DNAH11: variants seen among roughly 807,000 people sequenced by gnomAD.
DNAH11 encodes the protein dynein axonemal heavy chain 11.
Under a neutral mutation model 526.0 loss-of-function variants are expected in DNAH11, and 442 were observed. That is an observed-to-expected ratio of 0.84 (90% CI 0.78 to 0.91). The LOEUF (loss-of-function observed/expected upper bound fraction) is 0.91, where lower values mean the gene tolerates loss of function less well. Ranked by LOEUF, DNAH11 falls within the 40% of genes least tolerant of loss-of-function variation. The pLI, the probability that DNAH11 is intolerant of heterozygous loss-of-function variation, is 0.00. For missense variants in DNAH11, 6,989 were observed against 5,448.7 expected, an observed-to-expected ratio of 1.28 and a Z score of -8.90; for synonymous variants, 2,461 against 1,935.9, an observed-to-expected ratio of 1.27 and a Z score of -7.12.
intron 54 of DNAH11, among the ~76,000 whole-genome samples, chr7:21,750,574 G>C (rs1357923088): frequency 6.6e-6 from 1 of 152,190 alleles, no homozygotes; most frequent in East Asian, 1.9e-4. Context: ...GGTGTGTGCA[G>C]TCCTCAGCTG....
At chr7:21,699,189 T>C (rs939918969) in intron 36 of DNAH11, among the ~76,000 whole-genome samples, 1 of 152,154 alleles carries the variant, frequency 6.6e-6, no homozygotes, top group Admixed American at 6.6e-5. Flanking sequence ...AAAATTATTC[T>C]CATTTATTGG....
Position 21,560,815 on chromosome 7 carries a change from G to A in DNAH11, c.883-256G>A, listed in dbSNP as rs538211945. ...ACTTTGCATCCTTCAATCCAATCAAGTTGACACTCAATTATAACTATCACA... is the reference window on the plus strand; with the variant it reads ...ACTTTGCATCCTTCAATCCAATCAAATTGACACTCAATTATAACTATCACA... On this transcript the variant is annotated intron_variant, in intron 4 of 81. Coordinates refer to ENST00000409508, the MANE Select transcript of DNAH11 (RefSeq NM_001277115.2). 9.9e-5 allele frequency among the ~76,000 whole-genome samples: 15 copies of A among 152,132 alleles called. No individual in the cohort carries two copies. In the South Asian group the frequency reaches 2.3e-3, roughly 23 times the overall value.
chr7:21,595,271 T>A (rs1784822569), intron 14 of DNAH11, among the ~76,000 whole-genome samples: 1 of 152,164 alleles, frequency 6.6e-6, no homozygotes, highest in South Asian at 2.1e-4. Context: ...GGCTCTGCCC[T>A]CAGGACCTAA....
chr7:21,694,350 G>GC (rs552590566), intron 35 of DNAH11, among the ~76,000 whole-genome samples: 2 of 151,866 alleles, frequency 1.3e-5, no homozygotes, highest in Admixed American at 6.6e-5. Flanking sequence ...CCCTCCTCTT[G>GC]CCCCCCACCA....
At position 21,636,078 on chromosome 7, in the gene DNAH11, G is replaced by A. The variant is rs754155714; in HGVS notation, c.4708G>A (p.Val1570Met). The change falls in exon 26 of 82, where the codon GTG (valine) becomes ATG (methionine). Residue 1570 changes from valine (V) to methionine (M), a missense_variant. Coordinates refer to ENST00000409508, the MANE Select transcript of DNAH11 (RefSeq NM_001277115.2). Reference protein sequence around the residue: ...LVKDARRFDGVDAEFKELMFK... With the variant: ...LVKDARRFDGMDAEFKELMFK... ...GAAAGATGCTAGAAGATTTGATGGG[G>A]TGGATGCTGAATTTAAGGTTTGTCA... 1.2e-5 allele frequency: 20 copies of A among 1,610,702 alleles called. No individual in the cohort carries two copies. Among genetic ancestry groups the A allele is most frequent in the South Asian group, 5.5e-5 (5 of 90,428 alleles).
At chr7:21,806,583 A>G (rs1020823775) in intron 62 of DNAH11, among the ~76,000 whole-genome samples, 5 of 152,212 alleles carry the variant, frequency 3.3e-5, no homozygotes, top group Admixed American at 6.5e-5. Flanking sequence ...ATTCCAATCC[A>G]TTCTGACGTC....
chr7:21,556,144 C>T (rs141004876), intron 2 of DNAH11, among the ~76,000 whole-genome samples: 1 of 152,290 alleles, frequency 6.6e-6, no homozygotes, highest in East Asian at 1.9e-4. Context: ...TAAGGTTATA[C>T]CCTGGTCCCT....
chr7:21,615,667 A>G (rs1785739526), intron 21 of DNAH11, among the ~76,000 whole-genome samples: 1 of 152,108 alleles, frequency 6.6e-6, no homozygotes, highest in African/African-American at 2.4e-5. Context: ...CTTCCTAAAA[A>G]TAATTTGTAT....
At chr7:21,871,770 T>C (rs1182440478) in intron 73 of DNAH11, among the ~76,000 whole-genome samples, 1 of 152,094 alleles carries the variant, frequency 6.6e-6, no homozygotes, top group Non-Finnish European at 1.5e-5. Flanking sequence ...GTGATTTGTC[T>C]TCTGTGTTTC....
intron 54 of DNAH11, among the ~76,000 whole-genome samples, chr7:21,751,088 C>A (rs960249678): frequency 2.0e-5 from 3 of 152,118 alleles, no homozygotes; most frequent in African/African-American, 7.2e-5. Flanking sequence ...CTTTAGGAAG[C>A]CATGGTGGGT....
chr7:21,712,968 A>T (rs1784515726), intron 42 of DNAH11, among the ~76,000 whole-genome samples: 1 of 152,186 alleles, frequency 6.6e-6, no homozygotes. Context: ...ATGAAAGCTT[A>T]TATGGAACAC....
At chr7:21,566,305 C>A (rs974013382) in intron 6 of DNAH11, among the ~76,000 whole-genome samples, 21 of 152,200 alleles carry the variant, frequency 1.4e-4, no homozygotes, top group Middle Eastern at 3.4e-3. Context: ...TGGCTTCTAT[C>A]CAAAGGTTTC....
At chr7:21,748,480 C>G in intron 51 of DNAH11, 100 bp from the exon 52 acceptor site, 2 of 1,255,186 alleles carry the variant, frequency 1.6e-6, no homozygotes, top group Non-Finnish European at 2.0e-6. Context: ...CAGAGCAAGT[C>G]TCCATCTCAA....
chr7:21,899,714 C>T (rs1784678007), intron 80 of DNAH11, among the ~76,000 whole-genome samples: 1 of 152,140 alleles, frequency 6.6e-6, no homozygotes, highest in African/African-American at 2.4e-5. Context: ...CTGGAAAGGG[C>T]CACATAGCTT....
intron 25 of DNAH11, among the ~76,000 whole-genome samples, chr7:21,624,055 T>A (rs1369522364): frequency 6.6e-6 from 1 of 151,986 alleles, no homozygotes. Context: ...AGAGCCCTCA[T>A]GGTACCTCTT....
At chr7:21,786,363 TGATATATA>T (rs954510294) in intron 58 of DNAH11, among the ~76,000 whole-genome samples, 5 of 151,816 alleles carry the variant, frequency 3.3e-5, no homozygotes, top group Admixed American at 6.6e-5. Context: ...TCTGCAGGAC[TGATATATA>T]GATATATAGA....
intron 31 of DNAH11, 117 bp from the exon 32 acceptor site, chr7:21,683,667 A>C (rs1272048241): frequency 4.2e-5 from 49 of 1,165,458 alleles, no homozygotes; most frequent in African/African-American, 1.1e-4. Context: ...ATAGCGTGCA[A>C]GAGATTTCCT....
At chr7:21,571,701 A>C (rs568844641) in intron 7 of DNAH11, 105 bp from the exon 8 acceptor site, 1 of 760,568 alleles carries the variant, frequency 1.3e-6, no homozygotes, top group Non-Finnish European at 2.0e-6. Context: ...ATTTTCTGTC[A>C]TTGACTCATT....
rs373110271 is a variant in DNAH11 at position 21,894,720 on chromosome 7, T to C, written c.12848T>C (p.Leu4283Pro). 365 of 1,613,676 alleles carry C rather than the reference T, an allele frequency of 2.3e-4. No individual in the cohort carries two copies. The highest frequency in any genetic ancestry group is 3.0e-4 in the Non-Finnish European group (355 of 1,179,840). ...QKNSNRSPYV[L>P]VCFQECERMN... Reference sequence around the variant, plus strand: ...AATTCAAATAGAAGCCCATATGTTCTTGTTTGCTTCCAAGAATGTGAGAGG... The same window carrying C: ...AATTCAAATAGAAGCCCATATGTTCCTGTTTGCTTCCAAGAATGTGAGAGG... The change falls in exon 78 of 82, where the codon CTT becomes CCT. Residue 4283 changes from leucine to proline, a missense_variant. Leu to Pro is a moderately conservative substitution (Grantham distance 98, BLOSUM62 -3). Transcript: ENST00000409508.
Sources: allele counts gnomAD v4.1 joint callset (sites outside exome capture counted in the v4.1 genomes callset), GRCh38; gene constraint gnomAD v4.1.1; transcripts MANE v1.5; gene names NCBI Gene and HGNC (gene_info 2026-07-23, HGNC 2026-07-21).